Variants in PHTF1 observed in about 807,000 individuals in gnomAD.
The protein encoded by PHTF1 is putative homeodomain transcription factor 1.
A neutral mutation model predicts 102.4 loss-of-function variants in PHTF1; 88 were observed. The observed-to-expected ratio is 0.86, with a 90% confidence interval of 0.72 to 1.03. PHTF1 has a LOEUF of 1.03. Ranked by LOEUF, PHTF1 falls within the 50% of genes least tolerant of loss-of-function variation. The pLI, the probability that PHTF1 is intolerant of heterozygous loss-of-function variation, is 0.00. For synonymous variants in PHTF1, 289 were observed against 305.2 expected (o/e 0.95, Z 0.55); for missense variants, 814 against 909.5 (o/e 0.89, Z 1.35).
intron 3 of PHTF1, among the ~76,000 whole-genome samples, chr1:113,752,820 C>T (rs1375596431): frequency 6.6e-6 from 1 of 152,160 alleles, no homozygotes; most frequent in Non-Finnish European, 1.5e-5. Context: ...TTGGCTGGGA[C>T]TCCCAGTACA....
At chr1:113,706,199 T>G in intron 12 of PHTF1, 37 bp from the exon 13 acceptor site, 1 of 1,538,916 alleles carries the variant, frequency 6.5e-7, no homozygotes, top group South Asian at 1.2e-5. Flanking sequence ...ATTATTGTGT[T>G]AGCTAAATGG....
chr1:113,751,315 G>C (rs1658037023), intron 3 of PHTF1, among the ~76,000 whole-genome samples: 1 of 152,098 alleles, frequency 6.6e-6, no homozygotes, highest in Non-Finnish European at 1.5e-5. Flanking sequence ...TTGTAGAGTT[G>C]TGCAATCATT....
rs369050449 is a variant in PHTF1, at chr1:113,749,880, C to T, written c.102+7819G>A. Among the ~76,000 whole-genome samples, 6 of 152,308 alleles carry T rather than the reference C, an allele frequency of 3.9e-5. No individual in the cohort carries two copies. In the East Asian group the frequency reaches 7.7e-4, roughly 20 times the overall value. ...CTCTCATTTACTGTAGTCTCTTCTTCCATTCTTTAAGTCCTTGCAGGCTGC... is the reference window on the plus strand; with the variant it reads ...CTCTCATTTACTGTAGTCTCTTCTTTCATTCTTTAAGTCCTTGCAGGCTGC... On this transcript the variant is annotated intron_variant, in intron 3 of 18. Coordinates refer to ENST00000369604, the MANE Select transcript of PHTF1 (RefSeq NM_001323043.2).
intron 3 of PHTF1, among the ~76,000 whole-genome samples, chr1:113,741,367 T>A (rs189846025): frequency 9.8e-5 from 15 of 152,356 alleles, no homozygotes; most frequent in African/African-American, 3.1e-4. Flanking sequence ...AAGAAACATG[T>A]ACACTAATTT....
intron 5 of PHTF1, among the ~76,000 whole-genome samples, chr1:113,734,103 C>T (rs7526209): frequency 0.72 from 109,427 of 151,866 alleles, 39,927 homozygotes; most frequent in African/African-American, 0.8. Context: ...CTACTAAAAA[C>T]ACAAAAATTA....
At chr1:113,757,061 G>A (rs960003271) in intron 3 of PHTF1, among the ~76,000 whole-genome samples, 1 of 152,154 alleles carries the variant, frequency 6.6e-6, no homozygotes, top group African/African-American at 2.4e-5. Context: ...CAGCTACTCT[G>A]GAGGTTGAGG....
chr1:113,751,823 T>C (rs1051253730), intron 3 of PHTF1, among the ~76,000 whole-genome samples: 3 of 152,246 alleles, frequency 2.0e-5, no homozygotes, highest in African/African-American at 7.2e-5. Context: ...CCATTTTCCA[T>C]GCCCAACAGC....
In PHTF1 at chr1:113,706,601, A is replaced by AT; in HGVS notation, c.1390dup (p.Met464AsnfsTer36). 6.2e-7 allele frequency: 1 copy of AT among 1,607,488 alleles called. No individual in the cohort carries two copies. Among genetic ancestry groups the AT allele is most frequent in the Non-Finnish European group, 8.5e-7 (1 of 1,178,196 alleles). ...AAACATATTCAGTCTTACCCTGCTC[A>AT]TGATGATGCCACTTATTTCCAACAC... On this transcript the variant is annotated frameshift_variant, in exon 12 of 19. Transcript: ENST00000369604. LOFTEE classifies it high-confidence loss of function.
rs1553237962 is a variant in PHTF1 at position 113,758,641 on chromosome 1, A to AAT, written c.45+16_45+17dup. Reference sequence around the variant, plus strand: ...GGAAGAATGCTTTACAAATAAAAAAAATATATATATGTATTACCTTCTTTT... The same window carrying AAT: ...GGAAGAATGCTTTACAAATAAAAAAAATATATATATATGTATTACCTTCTTTT... On this transcript the variant is annotated intron_variant, in intron 2 of 18. Transcript: ENST00000369604. The AAT allele has an allele frequency of 2.8e-6, 4 of 1,430,798 alleles. No individual in the cohort carries two copies. Among genetic ancestry groups the AAT allele is most frequent in the Admixed American group, 4.1e-5 (2 of 48,790 alleles). The allele number at this position is 1,430,798 out of a possible 1,614,324, so 88.6% of individuals were successfully genotyped here.
At chr1:113,720,795 C>A (rs1652808148) in intron 7 of PHTF1, among the ~76,000 whole-genome samples, 2 of 152,258 alleles carry the variant, frequency 1.3e-5, no homozygotes, top group Non-Finnish European at 2.9e-5. Context: ...TTCCCTTCCA[C>A]ACTGCCCTAG....
intron 15 of PHTF1, among the ~76,000 whole-genome samples, chr1:113,703,235 T>C (rs1649643453): frequency 6.6e-6 from 1 of 152,230 alleles, no homozygotes; most frequent in African/African-American, 2.4e-5. Flanking sequence ...ATGGAAAATT[T>C]AATAAAACTG....
chr1:113,701,659 C>A (rs1370706925), intron 15 of PHTF1, among the ~76,000 whole-genome samples: 1 of 151,718 alleles, frequency 6.6e-6, no homozygotes, highest in East Asian at 1.9e-4. Context: ...CATTGCCTTA[C>A]AAGACCTTTG....
chr1:113,699,588 G>T, intron 17 of PHTF1, 116 bp downstream of exon 17: 1 of 683,290 alleles, frequency 1.5e-6, no homozygotes, highest in Non-Finnish European at 2.7e-6. Flanking sequence ...CTGTGGAAGA[G>T]TCCACTTCCA....
chr1:113,718,898 C>T (rs1571143830), intron 7 of PHTF1, among the ~76,000 whole-genome samples: 1 of 152,218 alleles, frequency 6.6e-6, no homozygotes, highest in African/African-American at 2.4e-5. Context: ...GTCCTGGAAA[C>T]ATTTTCCCCA....
intron 3 of PHTF1, 64 bp from the exon 4 acceptor site, chr1:113,738,863 AT>A: frequency 8.4e-7 from 1 of 1,184,024 alleles, no homozygotes; most frequent in African/African-American, 1.5e-5. Flanking sequence ...TTATTTATTT[AT>A]TTTTGAGACA....
intron 6 of PHTF1, 70 bp downstream of exon 6, chr1:113,726,347 CA>C (rs1322949377): frequency 4.3e-6 from 5 of 1,161,708 alleles, no homozygotes; most frequent in Non-Finnish European, 6.1e-6. Flanking sequence ...TTAAATTAAT[CA>C]AAGGTTTTAT....
intron 15 of PHTF1, chr1:113,703,774 G>A (rs180688416): frequency 3.1e-5 from 9 of 287,848 alleles, no homozygotes; most frequent in African/African-American, 1.5e-4. Context: ...CTACCTTGGA[G>A]TGATAACTAA....
chr1:113,743,695 C>T (rs1656764438), intron 3 of PHTF1, among the ~76,000 whole-genome samples: 1 of 152,148 alleles, frequency 6.6e-6, no homozygotes, highest in African/African-American at 2.4e-5. Flanking sequence ...AGGATGGCTA[C>T]AAAATCACTA....
Position 113,712,165 on chromosome 1 carries a change from T to A in PHTF1, c.784-52A>T, listed in dbSNP as rs187477666. ...CAGGGGACAGCCCAAAATATTCTAA[T>A]AAGCTGCATGTGTAAAAACAAAAAA... On this transcript the variant is annotated intron_variant, in intron 8 of 18. Coordinates refer to ENST00000369604, the MANE Select transcript of PHTF1 (RefSeq NM_001323043.2). The A allele has an allele frequency of 1.6e-3, 2,279 of 1,445,236 alleles. 3 individuals carry two copies. Among genetic ancestry groups the A allele is most frequent in the Middle Eastern group, 3.2e-3 (18 of 5,580 alleles). The allele number at this position is 1,445,236 out of a possible 1,614,324, so 89.5% of individuals were successfully genotyped here.
Sources: allele counts gnomAD v4.1 joint callset (sites outside exome capture counted in the v4.1 genomes callset), GRCh38; gene constraint gnomAD v4.1.1; transcripts MANE v1.5; gene names NCBI Gene and HGNC (gene_info 2026-07-23, HGNC 2026-07-21).